SMPDL3A: variants seen among roughly 807,000 people sequenced by gnomAD.
SMPDL3A encodes sphingomyelin phosphodiesterase acid like 3A.
Under a neutral mutation model 38.5 loss-of-function variants are expected in SMPDL3A, and 39 were observed. The ratio of observed to expected loss-of-function variants is 1.01; its 90% CI spans 0.78 to 1.32. The LOEUF (loss-of-function observed/expected upper bound fraction) is 1.32. SMPDL3A is among the 40% of genes most tolerant of loss of function. The pLI is 0.00. For missense variants in SMPDL3A, 502 were observed against 536.2 expected (o/e 0.94, Z 0.63); for synonymous variants, 180 against 194.3 (o/e 0.93, Z 0.61).
chr6:122,806,202 A>G, intron 6 of SMPDL3A, 31 bp from the exon 7 acceptor site: 1 of 1,574,324 alleles, frequency 6.4e-7, no homozygotes, highest in Non-Finnish European at 8.6e-7. Context: ...TTATTTAAAA[A>G]TGTATGTTTA....
At chr6:122,798,122 T>C (rs964566563) in intron 3 of SMPDL3A, among the ~76,000 whole-genome samples, 4 of 152,226 alleles carry the variant, frequency 2.6e-5, no homozygotes. Flanking sequence ...GGGTTTTGAT[T>C]ATTTTTAGTT....
At chr6:122,795,136 T>C (rs1459247093) in intron 1 of SMPDL3A, among the ~76,000 whole-genome samples, 1 of 152,182 alleles carries the variant, frequency 6.6e-6, no homozygotes, top group Non-Finnish European at 1.5e-5. Flanking sequence ...ATACTAATAC[T>C]GAGCTCATCG....
chr6:122,794,467 T>G (rs544426700), intron 1 of SMPDL3A, among the ~76,000 whole-genome samples: 14 of 152,040 alleles, frequency 9.2e-5, no homozygotes, highest in East Asian at 5.8e-4. Flanking sequence ...TGTGGTGGCG[T>G]GCACCTGTAA....
intron 3 of SMPDL3A, among the ~76,000 whole-genome samples, chr6:122,799,429 G>A (rs1003154117): frequency 6.6e-6 from 1 of 152,214 alleles, no homozygotes; most frequent in South Asian, 2.1e-4. Context: ...CTTCTCTGGT[G>A]CTTGTGTTTC....
At chr6:122,789,635 G>C (rs1284793793) in intron 1 of SMPDL3A, among the ~76,000 whole-genome samples, 177 bp downstream of exon 1, 1 of 152,366 alleles carries the variant, frequency 6.6e-6, no homozygotes, top group South Asian at 2.1e-4. Flanking sequence ...GGCGACCAAG[G>C]GACTACAGCG....
intron 7 of SMPDL3A, 133 bp downstream of exon 7, chr6:122,806,490 T>A (rs1268300989): frequency 1.1e-6 from 1 of 894,244 alleles, no homozygotes; most frequent in African/African-American, 1.7e-5. Context: ...ATCCTTCTTC[T>A]TTTTTATACT....
chr6:122,804,829 C>T, intron 5 of SMPDL3A, 80 bp from the exon 6 acceptor site: 1 of 1,164,128 alleles, frequency 8.6e-7, no homozygotes, highest in East Asian at 2.4e-5. Flanking sequence ...TACTTTCAAT[C>T]TTGGGTATCC....
At chr6:122,790,870 A>G (rs1438062378) in intron 1 of SMPDL3A, among the ~76,000 whole-genome samples, 1 of 152,104 alleles carries the variant, frequency 6.6e-6, no homozygotes, top group Non-Finnish European at 1.5e-5. Context: ...GTGAGTCTTC[A>G]CACCTCCTGT....
chr6:122,789,853 G>A, intron 1 of SMPDL3A: 6 of 985,420 alleles, frequency 6.1e-6, no homozygotes, highest in Non-Finnish European at 7.2e-6. Context: ...CACAGCAAGA[G>A]GCCCCTAATC....
At chr6:122,808,963 G>A in intron 7 of SMPDL3A, 128 bp from the exon 8 acceptor site, 2 of 730,214 alleles carry the variant, frequency 2.7e-6, no homozygotes, top group Non-Finnish European at 4.5e-6. Flanking sequence ...CAAAGTGCTA[G>A]GATTACAGGC....
At chr6:122,791,390 C>G (rs1334553841) in intron 1 of SMPDL3A, among the ~76,000 whole-genome samples, 1 of 152,168 alleles carries the variant, frequency 6.6e-6, no homozygotes, top group African/African-American at 2.4e-5. Flanking sequence ...GAACTGTAAC[C>G]TAGCTTAATA....
chr6:122,796,815 T>C lies in SMPDL3A; in HGVS notation c.327-9T>C, dbSNP rs779457384. ...GATTTTGTTCTTTACAATCTCTCTC[T>C]TTTTTCAGGGATAGCCCACCTCATG... On this transcript the variant is annotated splice_polypyrimidine_tract_variant and intron_variant, in intron 2 of 7. Transcript: ENST00000368440. 1.2e-6 allele frequency: 2 copies of C among 1,607,456 alleles called. No homozygotes were observed. Among genetic ancestry groups the C allele is most frequent in the Admixed American group, 1.7e-5 (1 of 58,886 alleles).
At chr6:122,800,109 C>T (rs996726456) in intron 3 of SMPDL3A, among the ~76,000 whole-genome samples, 2 of 151,940 alleles carry the variant, frequency 1.3e-5, no homozygotes, top group Non-Finnish European at 2.9e-5. Context: ...GCTGAGATTA[C>T]AGGCATGAAT....
Position 122,808,848 on chromosome 6 carries a change from AT to A in SMPDL3A, c.1045-233del, listed in dbSNP as rs111390127. ...AGGCACCCACCACTATGCCCAGCTA[AT>A]TTTTTTTTTCTTTTTTGTATTTTTG... On this transcript the variant is annotated intron_variant, in intron 7 of 7. Coordinates refer to ENST00000368440, the MANE Select transcript of SMPDL3A (RefSeq NM_006714.5). 1.4e-4 allele frequency among the ~76,000 whole-genome samples: 21 copies of A among 148,900 alleles called. No individual in the cohort carries two copies. In the East Asian group the frequency reaches 2.0e-3, roughly 14 times the overall value.
intron 1 of SMPDL3A, among the ~76,000 whole-genome samples, chr6:122,791,635 A>G (rs1486521602): frequency 6.6e-6 from 1 of 152,192 alleles, no homozygotes; most frequent in Non-Finnish European, 1.5e-5. Context: ...GAGTTTTTCT[A>G]GATTTGCTGA....
intron 1 of SMPDL3A, among the ~76,000 whole-genome samples, chr6:122,793,483 C>T (rs1408118609): frequency 6.6e-6 from 1 of 152,150 alleles, no homozygotes; most frequent in South Asian, 2.1e-4. Context: ...TACATGTTCA[C>T]GTTAAAATGA....
chr6:122,795,599 A>T, intron 1 of SMPDL3A, 78 bp from the exon 2 acceptor site: 1 of 1,069,522 alleles, frequency 9.3e-7, no homozygotes, highest in Non-Finnish European at 1.4e-6. Flanking sequence ...AACCGTCTCT[A>T]GTCTTAATAT....
intron 2 of SMPDL3A, among the ~76,000 whole-genome samples, chr6:122,796,379 C>T (rs1373681171): frequency 6.6e-6 from 1 of 152,136 alleles, no homozygotes; most frequent in African/African-American, 2.4e-5. Flanking sequence ...TTAACTTATA[C>T]ATTGTAACTT....
intron 1 of SMPDL3A, among the ~76,000 whole-genome samples, chr6:122,794,735 T>C (rs1355614869): frequency 6.6e-6 from 1 of 152,258 alleles, no homozygotes; most frequent in Non-Finnish European, 1.5e-5. Context: ...ATTAACATTT[T>C]ATATGAGTAT....
Sources: gnomAD v4.1 joint callset for allele counts (sites outside exome capture counted in the v4.1 genomes callset) on GRCh38, gnomAD v4.1.1 for gene constraint, MANE v1.5 for transcripts, NCBI Gene and HGNC (gene_info 2026-07-23, HGNC 2026-07-21) for gene names.